Variants in PPP1R12B observed in about 807,000 individuals in gnomAD.
PPP1R12B encodes the protein myosin phosphatase target subunit 2.
A neutral mutation model predicts 126.1 loss-of-function variants in PPP1R12B; 76 were observed. The ratio of observed to expected loss-of-function variants is 0.60; its 90% CI spans 0.50 to 0.73. PPP1R12B has a LOEUF of 0.73. PPP1R12B is among the 30% of genes least tolerant of loss of function. The probability of loss-of-function intolerance (pLI) is 0.00; values close to 1 mark genes in which losing one functional copy is unlikely to be tolerated. For missense variants in PPP1R12B, 1,052 were observed against 1,205.1 expected (o/e 0.87, Z 1.88); for synonymous variants, 356 against 434.7 (o/e 0.82, Z 2.25).
intron 18 of PPP1R12B, among the ~76,000 whole-genome samples, chr1:202,528,856 T>C (rs1212126940): frequency 6.6e-6 from 1 of 152,128 alleles, no homozygotes; most frequent in Non-Finnish European, 1.5e-5. Flanking sequence ...TATACATATA[T>C]TTGAAATCTT....
chr1:202,448,905 T>G (rs1672590380), intron 12 of PPP1R12B, 84 bp from the exon 13 acceptor site: 1 of 1,420,902 alleles, frequency 7.0e-7, no homozygotes, highest in African/African-American at 1.4e-5. Context: ...GAACCACTCT[T>G]TAATCCTTCT....
chr1:202,414,752 C>G (rs1667842757), intron 1 of PPP1R12B, among the ~76,000 whole-genome samples: 1 of 152,050 alleles, frequency 6.6e-6, no homozygotes, highest in Non-Finnish European at 1.5e-5. Flanking sequence ...CATCTCACAC[C>G]TGAAGCAGAT....
At chr1:202,434,228 G>A (rs960639108) in intron 8 of PPP1R12B, among the ~76,000 whole-genome samples, 1 of 152,170 alleles carries the variant, frequency 6.6e-6, no homozygotes, top group Non-Finnish European at 1.5e-5. Context: ...AGGTGAATTA[G>A]GTTTCATAGC....
intron 1 of PPP1R12B, among the ~76,000 whole-genome samples, chr1:202,401,100 A>G (rs1161521827): frequency 9.2e-5 from 14 of 152,230 alleles, no homozygotes; most frequent in Non-Finnish European, 2.9e-5. Context: ...AGTATTGTCT[A>G]TAGCTGCTTT....
Position 202,490,657 on chromosome 1 carries a change from C to T in PPP1R12B, c.1941+2034C>T, listed in dbSNP as rs190232835. On this transcript the variant is annotated intron_variant, in intron 14 of 23. Transcript: ENST00000608999. Reference sequence around the variant, plus strand: ...ATTACTCCCCATTTCCCTCTGGCAACGCTGCTTCCACTTTCTGTCTATGAA... The same window carrying T: ...ATTACTCCCCATTTCCCTCTGGCAATGCTGCTTCCACTTTCTGTCTATGAA... Among the ~76,000 whole-genome samples, 306 of 152,340 alleles carry T rather than the reference C, an allele frequency of 2.0e-3. 2 individuals are homozygous for T. Among genetic ancestry groups the T allele is most frequent in the Non-Finnish European group, 3.0e-3 (205 of 68,030 alleles).
rs547265931 is a variant in PPP1R12B, at chr1:202,479,458, C to T, written c.1851-9075C>T. 3.3e-5 allele frequency among the ~76,000 whole-genome samples: 5 copies of T among 152,246 alleles called. No homozygotes were observed. In the East Asian group the frequency reaches 7.7e-4, roughly 23 times the overall value. Reference sequence around the variant, plus strand: ...AACCCAACATTTGGCTCTACTTTTCCCCTTGAGGTATTTGCTGATTAGTAA... The same window carrying T: ...AACCCAACATTTGGCTCTACTTTTCTCCTTGAGGTATTTGCTGATTAGTAA... On this transcript the variant is annotated intron_variant, in intron 13 of 23. Coordinates refer to ENST00000608999, the MANE Select transcript of PPP1R12B (RefSeq NM_002481.4).
At chr1:202,359,939 G>C (rs955218567) in intron 1 of PPP1R12B, among the ~76,000 whole-genome samples, 3 of 152,126 alleles carry the variant, frequency 2.0e-5, no homozygotes, top group Non-Finnish European at 2.9e-5. Context: ...TTAACAGTTG[G>C]TTTATTCAAG....
chr1:202,538,002 T>C (rs769878466), intron 18 of PPP1R12B, among the ~76,000 whole-genome samples: 21 of 151,666 alleles, frequency 1.4e-4, no homozygotes, highest in Non-Finnish European at 2.4e-4. Flanking sequence ...GTTTGTTTGT[T>C]TTTGAGACAG....
At chr1:202,442,331 T>C (rs903110406) in intron 11 of PPP1R12B, 116 bp from the exon 12 acceptor site, 20 of 1,153,004 alleles carry the variant, frequency 1.7e-5, no homozygotes, top group Non-Finnish European at 2.3e-5. Context: ...ACCTGAAGAA[T>C]GTGTCTATTA....
At chr1:202,510,529 G>A (rs756355219) in intron 18 of PPP1R12B, among the ~76,000 whole-genome samples, 55 of 152,068 alleles carry the variant, frequency 3.6e-4, no homozygotes, top group Non-Finnish European at 7.5e-4. Flanking sequence ...TTAAAGAGTA[G>A]GATTAACTGT....
chr1:202,453,867 C>G (rs1673307869), intron 13 of PPP1R12B, among the ~76,000 whole-genome samples: 1 of 151,878 alleles, frequency 6.6e-6, no homozygotes, highest in Non-Finnish European at 1.5e-5. Context: ...TAACAGGTTT[C>G]AGAGCCAATA....
intron 13 of PPP1R12B, among the ~76,000 whole-genome samples, chr1:202,452,831 TC>T (rs1316622428): frequency 1.3e-5 from 2 of 151,570 alleles, no homozygotes; most frequent in Non-Finnish European, 2.9e-5. Flanking sequence ...TCTCTCTCTC[TC>T]TTTTTTTTTT....
intron 1 of PPP1R12B, among the ~76,000 whole-genome samples, chr1:202,353,389 A>G (rs1656388354): frequency 6.6e-6 from 1 of 152,054 alleles, no homozygotes; most frequent in African/African-American, 2.4e-5. Context: ...ATTATTGTGC[A>G]TCTAGAATAG....
At position 202,508,366 on chromosome 1, in the gene PPP1R12B, A is replaced by G. The variant is rs1439910755; in HGVS notation, c.2490+11544A>G. On this transcript the variant is annotated intron_variant, in intron 18 of 23. Coordinates refer to ENST00000608999, the MANE Select transcript of PPP1R12B (RefSeq NM_002481.4). This position sits in a 1 kb window ranked among gnomAD's most constrained non-coding sequence, Gnocchi z 4.5. The stretch of plus-strand genomic sequence containing the variant: ...AAATTTTTAAAAATGTTTTATTACA[A>G]CCTGAACTCTTACACCTTAAACTAT... Among the ~76,000 whole-genome samples, 1 of 152,244 alleles carries G rather than the reference A, an allele frequency of 6.6e-6. No homozygotes were observed. Among genetic ancestry groups the G allele is most frequent in the East Asian group, 1.9e-4 (1 of 5,198 alleles).
At chr1:202,507,080 A>G (rs1283650401) in intron 18 of PPP1R12B, among the ~76,000 whole-genome samples, 1 of 152,216 alleles carries the variant, frequency 6.6e-6, no homozygotes, top group Non-Finnish European at 1.5e-5. Context: ...TTTATGTTTA[A>G]GCTCATTTTT....
intron 18 of PPP1R12B, among the ~76,000 whole-genome samples, chr1:202,515,194 C>T (rs889759152): frequency 9.2e-5 from 14 of 152,236 alleles, no homozygotes; most frequent in South Asian, 2.1e-4. Flanking sequence ...CTATTGGGTA[C>T]TAGGCATAAT....
chr1:202,368,282 A>G (rs918162089), intron 1 of PPP1R12B, among the ~76,000 whole-genome samples: 1 of 151,762 alleles, frequency 6.6e-6, no homozygotes, highest in African/African-American at 2.4e-5. Flanking sequence ...AGATCTGGTC[A>G]TTTAAAAGTG....
intron 13 of PPP1R12B, among the ~76,000 whole-genome samples, chr1:202,464,185 CTAAT>C (rs1412345915): frequency 6.6e-6 from 1 of 152,170 alleles, no homozygotes; most frequent in Non-Finnish European, 1.5e-5. Flanking sequence ...GATTGGTTTA[CTAAT>C]TAATTAAATG....
rs1558270040 is a variant in PPP1R12B, at chr1:202,471,869, C to A, written c.1851-16664C>A. On this transcript the variant is annotated intron_variant, in intron 13 of 23. Coordinates refer to ENST00000608999, the MANE Select transcript of PPP1R12B (RefSeq NM_002481.4). ...ATCTTGACTCAGAGTGCTTTTAGTG[C>A]TGCTTCCTCCTGAAGGAACATCCTT... The A allele has an allele frequency of 3.3e-6, 5 of 1,532,684 alleles. No homozygotes were observed. The East Asian group carries it at 6.7e-5, about 21-fold the overall frequency. The allele number at this position is 1,532,684 out of a possible 1,614,324, so 94.9% of individuals were successfully genotyped here.
Sources: allele counts gnomAD v4.1 joint callset (sites outside exome capture counted in the v4.1 genomes callset), GRCh38; gene constraint gnomAD v4.1.1; non-coding constraint Gnocchi (gnomAD v3.1); transcripts MANE v1.5; gene names NCBI Gene and HGNC (gene_info 2026-07-23, HGNC 2026-07-21).